Variants in BCAS3 observed in about 807,000 individuals in gnomAD.
BCAS3 encodes BCAS3 microtubule associated cell migration factor.
In BCAS3, 53 loss-of-function variants were observed where a neutral mutation model predicts 116.1. The observed-to-expected ratio is 0.46, with a 90% CI of 0.37 to 0.57. The LOEUF (loss-of-function observed/expected upper bound fraction) is 0.57, where lower values mean the gene tolerates loss of function less well. Ranked by LOEUF, BCAS3 falls within the 20% of genes least tolerant of loss-of-function variation. BCAS3 has a pLI of 0.00. For synonymous variants in BCAS3, 391 were observed against 408.2 expected (o/e 0.96, Z 0.51); for missense variants, 917 against 1,165.4 (o/e 0.79, Z 3.10).
intron 22 of BCAS3, among the ~76,000 whole-genome samples, chr17:61,301,246 G>A (rs2053401835): frequency 6.6e-6 from 1 of 152,282 alleles, no homozygotes; most frequent in South Asian, 2.1e-4. Flanking sequence ...ATGTCATATG[G>A]CCCTCAGAGT....
At chr17:60,884,643 G>T (rs1295996343) in intron 9 of BCAS3, among the ~76,000 whole-genome samples, 5 of 133,646 alleles carry the variant, frequency 3.7e-5, no homozygotes, top group African/African-American at 1.5e-4. Context: ...GGTATGTTGT[G>T]TCTTTGTTCT....
intron 22 of BCAS3, among the ~76,000 whole-genome samples, chr17:61,357,443 T>A (rs7406879): frequency 2.3e-3 from 344 of 147,770 alleles, no homozygotes; most frequent in South Asian, 5.5e-3. Flanking sequence ...AAAAAAAAAA[T>A]TTTTATTTTT....
chr17:61,195,051 C>G (rs1025378406), intron 22 of BCAS3, among the ~76,000 whole-genome samples: 2 of 152,240 alleles, frequency 1.3e-5, no homozygotes, highest in Non-Finnish European at 2.9e-5. Context: ...AGTTAAGACT[C>G]TGTCGATCTG....
rs199845446 is a variant in BCAS3, at chr17:61,193,982, TG to T, written c.2425+109420del. On this transcript the variant is annotated intron_variant, in intron 22 of 23. Coordinates refer to ENST00000407086, the MANE Select transcript of BCAS3 (RefSeq NM_017679.5). ...AAACACAAAAATTTGCCGGGCCTGG[TG>T]GTGGGCACCTGTAATCCCAGCTATT... Among the ~76,000 whole-genome samples the T allele has an allele frequency of 6.9e-3, 1,052 of 151,524 alleles. 7 individuals carry two copies. Among genetic ancestry groups the T allele is most frequent in the Middle Eastern group, 0.024 (7 of 294 alleles).
At position 61,213,510 on chromosome 17, in the gene BCAS3, G is replaced by GTC. The variant is rs1368612120; in HGVS notation, c.2425+128948_2425+128949dup. ...ATGAAAAAAGTAAGGCATGAAAAGA[G>GTC]TCTTATTATTTGTTTAGTTGACAGG... On this transcript the variant is annotated intron_variant, in intron 22 of 23. Coordinates refer to ENST00000407086, the MANE Select transcript of BCAS3 (RefSeq NM_017679.5). This position sits in a 1 kb window ranked among gnomAD's most constrained non-coding sequence, Gnocchi z 5.4. 2.6e-5 allele frequency among the ~76,000 whole-genome samples: 4 copies of GTC among 151,994 alleles called. No homozygotes were observed. The highest frequency in any genetic ancestry group is 5.9e-5 in the Non-Finnish European group (4 of 68,014).
chr17:61,015,329 A>G (rs1178162241), intron 15 of BCAS3, among the ~76,000 whole-genome samples: 3 of 152,212 alleles, frequency 2.0e-5, no homozygotes, highest in Non-Finnish European at 4.4e-5. Context: ...CTCTAATGCC[A>G]CCTGGGCTTG....
rs560408357 is a variant in BCAS3, at chr17:61,249,578, A to T, written c.2426-118749A>T. Among the ~76,000 whole-genome samples, 9 of 152,334 alleles carry T rather than the reference A, an allele frequency of 5.9e-5. No individual in the cohort carries two copies. In the East Asian group the frequency reaches 1.5e-3, roughly 26 times the overall value. ...GAATTGTGTCTCTGGCTGAAGAAAT[A>T]GTTTGTTTTAGGAACGCCAATACAA... is the stretch of plus-strand genomic sequence containing the variant. On this transcript the variant is annotated intron_variant, in intron 22 of 23. Coordinates refer to ENST00000407086, the MANE Select transcript of BCAS3 (RefSeq NM_017679.5). This position sits in a 1 kb window ranked among gnomAD's most constrained non-coding sequence, Gnocchi z 6.2.
chr17:61,114,015 A>T (rs1331960266), intron 22 of BCAS3, among the ~76,000 whole-genome samples: 1 of 151,504 alleles, frequency 6.6e-6, no homozygotes, highest in Non-Finnish European at 1.5e-5. Flanking sequence ...AGATGCAGAA[A>T]AGGCCTTTGA....
chr17:61,092,795 G>A (rs928392965), intron 22 of BCAS3, among the ~76,000 whole-genome samples: 8 of 150,910 alleles, frequency 5.3e-5, no homozygotes, highest in Non-Finnish European at 1.2e-4. Context: ...TCAGTTAATT[G>A]CGTTTTCACT....
At chr17:60,999,278 G>A (rs1382655813) in intron 15 of BCAS3, among the ~76,000 whole-genome samples, 1 of 152,006 alleles carries the variant, frequency 6.6e-6, no homozygotes, top group East Asian at 1.9e-4. Flanking sequence ...GGTGGCTCAC[G>A]CCTGTAATCC....
chr17:60,970,978 A>G (rs893616589), intron 14 of BCAS3, among the ~76,000 whole-genome samples: 1 of 152,254 alleles, frequency 6.6e-6, no homozygotes, highest in Non-Finnish European at 1.5e-5. Context: ...ACAGTGGATA[A>G]TAGATGATAC....
chr17:60,747,661 G>A (rs1419261259), intron 6 of BCAS3, among the ~76,000 whole-genome samples: 1 of 151,906 alleles, frequency 6.6e-6, no homozygotes, highest in Admixed American at 6.6e-5. Flanking sequence ...TTCTTCTGTG[G>A]GTATTCCTCA....
chr17:60,933,439 C>T (rs1316607861), intron 13 of BCAS3, among the ~76,000 whole-genome samples: 3 of 152,088 alleles, frequency 2.0e-5, no homozygotes, highest in Non-Finnish European at 4.4e-5. Flanking sequence ...AAATAATTAC[C>T]CCTCCTTGGC....
At chr17:60,999,366 C>T (rs982938594) in intron 15 of BCAS3, among the ~76,000 whole-genome samples, 1 of 151,720 alleles carries the variant, frequency 6.6e-6, no homozygotes, top group Non-Finnish European at 1.5e-5. Context: ...GGTGAAACCC[C>T]GTCTCTACTA....
intron 22 of BCAS3, among the ~76,000 whole-genome samples, chr17:61,268,251 A>G (rs2049928606): frequency 6.6e-6 from 1 of 152,188 alleles, no homozygotes; most frequent in South Asian, 2.1e-4. Flanking sequence ...TGTTTAATGT[A>G]TATTCCTCAA....
chr17:60,679,622 G>A (rs955829791), intron 2 of BCAS3, 82 bp downstream of exon 2: 9 of 1,111,478 alleles, frequency 8.1e-6, no homozygotes, highest in Non-Finnish European at 8.0e-6. Context: ...TATGAACAGT[G>A]GTTACTTTTG....
intron 6 of BCAS3, among the ~76,000 whole-genome samples, chr17:60,791,715 G>C (rs986667806): frequency 6.6e-6 from 1 of 152,132 alleles, no homozygotes; most frequent in Non-Finnish European, 1.5e-5. Context: ...AAGTCCCCTG[G>C]CTACACTTTC....
Position 60,691,719 on chromosome 17 carries a change from C to CT in BCAS3, c.214+1971dup, listed in dbSNP as rs897575381. On this transcript the variant is annotated intron_variant, in intron 4 of 23. Transcript: ENST00000407086. ...CTTAAAGACTTTTCAAATATGAAGC[C>CT]TTTTTTTTTTTTTAGAGCCACCATC... Among the ~76,000 whole-genome samples, 564 of 139,716 alleles carry CT rather than the reference C, an allele frequency of 4.0e-3. 1 individual carries two copies. Among genetic ancestry groups the CT allele is most frequent in the Middle Eastern group, 0.015 (4 of 268 alleles). The allele number at this position is 139,716 out of a possible 152,430, so 91.7% of individuals were successfully genotyped here. A position where few individuals can be genotyped will look rare whatever the true frequency, so the allele number is the denominator to read the frequency against.
At position 61,217,061 on chromosome 17, in the gene BCAS3, C is replaced by T. The variant is rs1453690989; in HGVS notation, c.2425+132497C>T. On this transcript the variant is annotated intron_variant, in intron 22 of 23. Coordinates refer to ENST00000407086, the MANE Select transcript of BCAS3 (RefSeq NM_017679.5). This position sits in a 1 kb window ranked among gnomAD's most constrained non-coding sequence, Gnocchi z 5.2. ...CTTTGGGAGGCTGAGGTGGGTGGAT[C>T]ACGAGGTCAGGAGATCGAGACCATC... Among the ~76,000 whole-genome samples, 1 of 151,538 alleles carries T rather than the reference C, an allele frequency of 6.6e-6. No individual in the cohort carries two copies. Among genetic ancestry groups the T allele is most frequent in the Non-Finnish European group, 1.5e-5 (1 of 67,900 alleles).
Sources: gnomAD v4.1 joint callset for allele counts (sites outside exome capture counted in the v4.1 genomes callset) on GRCh38, gnomAD v4.1.1 for gene constraint, Gnocchi (gnomAD v3.1) non-coding constraint, MANE v1.5 for transcripts, NCBI Gene and HGNC (gene_info 2026-07-23, HGNC 2026-07-21) for gene names.